The following GRM7 variants were observed in gnomAD, a reference collection of about 807,000 sequenced individuals.
GRM7 encodes the protein metabotropic glutamate receptor 7.
GRM7 carries 35 observed loss-of-function variants against 84.5 expected under a neutral mutation model. That is an observed-to-expected ratio of 0.41 (90% CI 0.32 to 0.55). The LOEUF (loss-of-function observed/expected upper bound fraction) is 0.55, where lower values mean the gene tolerates loss of function less well. GRM7 is among the 20% of genes least tolerant of loss of function. The pLI, the probability that GRM7 is intolerant of heterozygous loss-of-function variation, is 0.19. For synonymous variants in GRM7, 487 were observed against 455.1 expected, an observed-to-expected ratio of 1.07 and a Z score of -0.89; for missense variants, 1,003 against 1,194.6, an observed-to-expected ratio of 0.84 and a Z score of 2.36.
intron 8 of GRM7, among the ~76,000 whole-genome samples, chr3:7,605,438 A>G (rs975585684): frequency 2.6e-5 from 4 of 152,180 alleles, no homozygotes; most frequent in Non-Finnish European, 5.9e-5. Flanking sequence ...GATTAAGGCT[A>G]TTTTCAAAGA....
At chr3:7,293,659 G>T (rs915226659) in intron 2 of GRM7, among the ~76,000 whole-genome samples, 20 of 152,168 alleles carry the variant, frequency 1.3e-4, no homozygotes, top group African/African-American at 4.6e-4. Flanking sequence ...AATGTAGTGT[G>T]CTGAATTATC....
intron 5 of GRM7, among the ~76,000 whole-genome samples, chr3:7,415,641 C>A (rs1393165842): frequency 6.6e-6 from 1 of 152,066 alleles, no homozygotes; most frequent in East Asian, 1.9e-4. Context: ...ATTCACGGCT[C>A]CTTATATGTA....
intron 7 of GRM7, among the ~76,000 whole-genome samples, chr3:7,497,475 C>CAACATGTGGAAGCTTCTGGGCTTCCAGA (rs1463948427): frequency 6.6e-6 from 1 of 152,162 alleles, no homozygotes; most frequent in African/African-American, 2.4e-5. Flanking sequence ...CAGTCTCTAC[C>CAACATGTGGAAGCTTCTGGGCTTCCAGA]AACATGGGAG....
chr3:7,656,057 C>G (rs4054135), intron 8 of GRM7, among the ~76,000 whole-genome samples: 66,919 of 152,050 alleles, frequency 0.44, 15,705 homozygotes, highest in Non-Finnish European at 0.53. Flanking sequence ...GCATCTGGCA[C>G]TGTGCTTGGC....
In GRM7 at chr3:7,372,941, C is replaced by T. The variant is rs118060721; in HGVS notation, c.1034-42082C>T. ...TCTCTCTTTATTTTTTCTTGAAAAA[C>T]GAGAAACCTCATGTAATATACCACT... On this transcript the variant is annotated intron_variant, in intron 4 of 9. Transcript: ENST00000357716. 5.9e-3 allele frequency among the ~76,000 whole-genome samples: 901 copies of T among 151,922 alleles called. 22 individuals carry two copies. The highest frequency in any genetic ancestry group is 0.045 in the Admixed American group (689 of 15,252).
intron 8 of GRM7, among the ~76,000 whole-genome samples, chr3:7,644,821 C>G (rs1322983595): frequency 6.6e-6 from 1 of 152,152 alleles, no homozygotes; most frequent in African/African-American, 2.4e-5. Context: ...TCCAGACTGT[C>G]TGGACAGTCT....
chr3:7,390,523 G>C (rs1694949723), intron 4 of GRM7, among the ~76,000 whole-genome samples: 2 of 151,736 alleles, frequency 1.3e-5, no homozygotes, highest in South Asian at 4.2e-4. Flanking sequence ...TTTCTTGAAG[G>C]CTTTACTCAT....
chr3:7,661,520 C>T (rs1419038062), intron 8 of GRM7, among the ~76,000 whole-genome samples: 2 of 152,046 alleles, frequency 1.3e-5, no homozygotes, highest in Admixed American at 6.6e-5. Context: ...GCTGGCCGGG[C>T]GCGGTGGCTC....
intron 2 of GRM7, among the ~76,000 whole-genome samples, chr3:7,257,550 G>GT (rs1698253940): frequency 6.6e-6 from 1 of 152,122 alleles, no homozygotes; most frequent in African/African-American, 2.4e-5. Flanking sequence ...CAAGTATACT[G>GT]TAAGGGCAAA....
chr3:7,387,876 G>A (rs1471707587), intron 4 of GRM7, among the ~76,000 whole-genome samples: 1 of 151,968 alleles, frequency 6.6e-6, no homozygotes, highest in Non-Finnish European at 1.5e-5. Context: ...AGATTGCTTT[G>A]GGCAGTTAGG....
intron 1 of GRM7, among the ~76,000 whole-genome samples, chr3:7,091,525 T>C (rs1698662882): frequency 6.6e-6 from 1 of 151,952 alleles, no homozygotes; most frequent in African/African-American, 2.4e-5. Context: ...CATCAAGAAA[T>C]GACCTTTTTG....
chr3:7,641,075 AT>A (rs1172439321), intron 8 of GRM7, among the ~76,000 whole-genome samples: 2 of 152,196 alleles, frequency 1.3e-5, no homozygotes, highest in Non-Finnish European at 2.9e-5. Context: ...AACTGAATAA[AT>A]TAATCATTAA....
At chr3:7,712,471 C>A (rs1701614899) in intron 9 of GRM7, among the ~76,000 whole-genome samples, 1 of 151,874 alleles carries the variant, frequency 6.6e-6, no homozygotes, top group South Asian at 2.1e-4. Context: ...TTGTTGGATC[C>A]TTCCCTCTCC....
At chr3:7,207,346 G>A (rs929115551) in intron 2 of GRM7, among the ~76,000 whole-genome samples, 4 of 152,110 alleles carry the variant, frequency 2.6e-5, no homozygotes, top group Non-Finnish European at 5.9e-5. Context: ...AAAGTGGCCC[G>A]GATGCCTCTC....
At chr3:7,214,235 T>G (rs1696527211) in intron 2 of GRM7, among the ~76,000 whole-genome samples, 2 of 152,112 alleles carry the variant, frequency 1.3e-5, no homozygotes, top group Admixed American at 1.3e-4. Flanking sequence ...GTAGAAGTCA[T>G]GAATATGCAT....
intron 3 of GRM7, among the ~76,000 whole-genome samples, chr3:7,304,426 T>C (rs966639246): frequency 1.3e-5 from 2 of 151,544 alleles, no homozygotes; most frequent in African/African-American, 4.8e-5. Flanking sequence ...ACAGAGGTCT[T>C]ATATTTCGTG....
Position 7,121,767 on chromosome 3 carries a change from A to AG in GRM7, c.520-24684dup, listed in dbSNP as rs562174738. ...AAAGCTGAAAACAATGCCAATACAT[A>AG]GTGACTGCTGTGGTTTGAATGTGGT... On this transcript the variant is annotated intron_variant, in intron 1 of 9. Coordinates refer to ENST00000357716, the MANE Select transcript of GRM7 (RefSeq NM_000844.4). 5.5e-4 allele frequency among the ~76,000 whole-genome samples: 84 copies of AG among 152,286 alleles called. 2 individuals are homozygous for AG. The East Asian group carries it at 0.016, about 29-fold the overall frequency.
At chr3:7,454,090 A>ACACACTCTCT (rs1365192243) in intron 6 of GRM7, among the ~76,000 whole-genome samples, 123 of 140,196 alleles carry the variant, frequency 8.8e-4, no homozygotes, top group African/African-American at 2.8e-3. Context: ...CTACACACAC[A>ACACACTCTCT]CTCTCTCTCT....
intron 4 of GRM7, among the ~76,000 whole-genome samples, chr3:7,358,979 C>T (rs1284276517): frequency 4.0e-5 from 6 of 151,660 alleles, no homozygotes; most frequent in Admixed American, 1.3e-4. Context: ...CTTACCTGGG[C>T]GAGGTGGCAC....
Sources: gnomAD v4.1 joint callset for allele counts (sites outside exome capture counted in the v4.1 genomes callset) on GRCh38, gnomAD v4.1.1 for gene constraint, MANE v1.5 for transcripts, NCBI Gene and HGNC (gene_info 2026-07-23, HGNC 2026-07-21) for gene names.